Variants in HUNK observed in about 807,000 individuals in gnomAD.
HUNK encodes hormonally up-regulated neu tumor-associated kinase.
Under a neutral mutation model 61.0 loss-of-function variants are expected in HUNK, and 21 were observed. The observed-to-expected ratio is 0.34, with a 90% confidence interval of 0.24 to 0.50. HUNK has a LOEUF of 0.50. HUNK is among the 20% of genes least tolerant of loss of function. The probability of loss-of-function intolerance (pLI) is 0.98; values close to 1 mark genes in which losing one functional copy is unlikely to be tolerated. For missense variants in HUNK, 772 were observed against 945.7 expected, an observed-to-expected ratio of 0.82 and a Z score of 2.41; for synonymous variants, 371 against 386.1, an observed-to-expected ratio of 0.96 and a Z score of 0.46.
rs747206282 is a variant in HUNK, at chr21:31,924,157, C to A, written c.262-311C>A. 1.7e-4 allele frequency among the ~76,000 whole-genome samples: 26 copies of A among 152,112 alleles called. No homozygotes were observed. Among genetic ancestry groups the A allele is most frequent in the Non-Finnish European group, 3.7e-4 (25 of 68,022 alleles). On this transcript the variant is annotated intron_variant, in intron 1 of 10. Transcript: ENST00000270112. The surrounding 1 kb of genome is among the most constrained non-coding windows in gnomAD (Gnocchi z 5.1). ...CCATCCTGTAGAAAAATAAATTTGACATTAATCCTGCACTGTGCCTTCCAG... is the reference window on the plus strand; with the variant it reads ...CCATCCTGTAGAAAAATAAATTTGAAATTAATCCTGCACTGTGCCTTCCAG...
chr21:31,885,619 G>A (rs2052340399), intron 1 of HUNK, among the ~76,000 whole-genome samples: 1 of 152,180 alleles, frequency 6.6e-6, no homozygotes, highest in African/African-American at 2.4e-5. Context: ...GCTTGTGCAG[G>A]ATGGATCTGT....
chr21:31,879,751 G>T (rs544521929), intron 1 of HUNK, among the ~76,000 whole-genome samples: 1 of 152,180 alleles, frequency 6.6e-6, no homozygotes. Flanking sequence ...ATGTGCCCCC[G>T]AAGAGAGGGA....
rs2053228606 is a variant in HUNK, at chr21:31,999,138, T to A, written c.2099T>A (p.Val700Glu). ...CCCCCACTGCAGCCCCTAGCCCCTG[T>A]GAACCTTGCCTTTGACATGGCCGAT... ...SLPPLQPLAP[V>E]NLAFDMADGV... Residue 700 changes from valine to glutamate, a missense_variant, in exon 11 of 11, where the codon GTG becomes GAG. By Grantham distance (121) the Val-to-Glu change is moderately radical (BLOSUM62 -2). Coordinates refer to ENST00000270112, the MANE Select transcript of HUNK (RefSeq NM_014586.2). 6.2e-7 allele frequency: 1 copy of A among 1,613,472 alleles called. No homozygotes were observed. The highest frequency in any genetic ancestry group is 1.7e-5 in the Admixed American group (1 of 59,890).
chr21:31,948,451 T>A (rs1330382556), intron 4 of HUNK, among the ~76,000 whole-genome samples: 1 of 152,174 alleles, frequency 6.6e-6, no homozygotes, highest in East Asian at 1.9e-4. Context: ...CCATGTACCC[T>A]CCAGTGCCTG....
At chr21:31,997,667 T>C (rs2053215296) in intron 10 of HUNK, among the ~76,000 whole-genome samples, 2 of 152,230 alleles carry the variant, frequency 1.3e-5, no homozygotes, top group Non-Finnish European at 2.9e-5. Flanking sequence ...AATATACTTA[T>C]TATTGCTGAA....
intron 1 of HUNK, among the ~76,000 whole-genome samples, chr21:31,892,148 TA>T (rs748197431): frequency 0.045 from 4,165 of 92,428 alleles, 103 homozygotes; most frequent in South Asian, 0.064. Flanking sequence ...AGAATTTGGT[TA>T]AAAAAAAAAA....
intron 1 of HUNK, among the ~76,000 whole-genome samples, chr21:31,876,824 T>G (rs996921056): frequency 3.9e-5 from 6 of 152,190 alleles, no homozygotes; most frequent in Non-Finnish European, 8.8e-5. Flanking sequence ...TTTTTAAATT[T>G]TTTATAAAGA....
At chr21:31,971,309 T>C (rs889767607) in intron 6 of HUNK, among the ~76,000 whole-genome samples, 1 of 152,022 alleles carries the variant, frequency 6.6e-6, no homozygotes, top group South Asian at 2.1e-4. Context: ...TGGCCTCAAG[T>C]GATCCGCCTG....
At chr21:31,914,972 G>T (rs536913185) in intron 1 of HUNK, among the ~76,000 whole-genome samples, 1 of 151,892 alleles carries the variant, frequency 6.6e-6, no homozygotes, top group South Asian at 2.1e-4. Flanking sequence ...CCCGACAAAT[G>T]GTCCTAAAGA....
chr21:31,873,705 G>C lies in HUNK; in HGVS notation c.31G>C (p.Gly11Arg), dbSNP rs1043646235. The C allele has an allele frequency of 1.0e-5, 12 of 1,153,152 alleles. No homozygotes were observed. The highest frequency in any genetic ancestry group is 3.6e-4 in the Middle Eastern group (1 of 2,782). The allele number at this position is 1,153,152 out of a possible 1,614,324, so 71.4% of individuals were successfully genotyped here. The change falls in exon 1 of 11, where the codon GGG becomes CGG. Residue 11 changes from glycine to arginine, a missense_variant. Physicochemically the swap from Gly to Arg is moderately radical, Grantham distance 125. Transcript: ENST00000270112. The surrounding 1 kb of genome is among the most constrained non-coding windows in gnomAD (Gnocchi z 6.1). ...GGCGGCGGCGGGGGACGGGCTCCTGGGGGAGCCGGCGGCGCCTGGGGGCGG... is the reference window on the plus strand; with the variant it reads ...GGCGGCGGCGGGGGACGGGCTCCTGCGGGAGCCGGCGGCGCCTGGGGGCGG... MPAAAGDGLLGEPAAPGGGGG... is the reference protein window; with the variant it reads MPAAAGDGLLREPAAPGGGGG...
At chr21:31,987,852 C>T (rs188751328) in intron 8 of HUNK, among the ~76,000 whole-genome samples, 35 of 152,300 alleles carry the variant, frequency 2.3e-4, no homozygotes, top group African/African-American at 7.7e-4. Flanking sequence ...AGTCGTCCTC[C>T]GCACCACATG....
chr21:31,986,679 G>C (rs1297693418), intron 8 of HUNK, among the ~76,000 whole-genome samples: 1 of 152,130 alleles, frequency 6.6e-6, no homozygotes, highest in Non-Finnish European at 1.5e-5. Context: ...CCTGTGCTCA[G>C]TCCACAGCCT....
chr21:31,875,038 G>A (rs1434134618), intron 1 of HUNK, among the ~76,000 whole-genome samples: 1 of 152,180 alleles, frequency 6.6e-6, no homozygotes, highest in Non-Finnish European at 1.5e-5. Context: ...CCCAGGCTGG[G>A]GGTGGCTCAA....
At chr21:31,944,330 T>C (rs533186510) in intron 3 of HUNK, among the ~76,000 whole-genome samples, 1 of 152,372 alleles carries the variant, frequency 6.6e-6, no homozygotes, top group South Asian at 2.1e-4. Context: ...CTGCCTACCT[T>C]GGCCTCCCAA....
chr21:31,904,199 T>C (rs2052489317), intron 1 of HUNK, among the ~76,000 whole-genome samples: 1 of 152,014 alleles, frequency 6.6e-6, no homozygotes, highest in African/African-American at 2.4e-5. Flanking sequence ...TCCCAGGAGA[T>C]TTTGACATGT....
At chr21:31,889,091 G>A (rs1028078696) in intron 1 of HUNK, among the ~76,000 whole-genome samples, 3 of 152,104 alleles carry the variant, frequency 2.0e-5, no homozygotes, top group Non-Finnish European at 4.4e-5. Context: ...GCATTCTTAC[G>A]TCACACAGTG....
chr21:31,876,066 C>A (rs898981189), intron 1 of HUNK, among the ~76,000 whole-genome samples: 3 of 152,328 alleles, frequency 2.0e-5, no homozygotes, highest in African/African-American at 7.2e-5. Context: ...AAGAGACTCG[C>A]TGCTTCCCCA....
chr21:31,923,549 G>A (rs191783824), intron 1 of HUNK, among the ~76,000 whole-genome samples: 1 of 130,528 alleles, frequency 7.7e-6, no homozygotes, highest in South Asian at 2.9e-4. Context: ...AAGGAAGGAA[G>A]GAAAGAAGGA....
At chr21:31,972,820 T>G (rs2123851908) in intron 6 of HUNK, among the ~76,000 whole-genome samples, 1 of 152,250 alleles carries the variant, frequency 6.6e-6, no homozygotes, top group Non-Finnish European at 1.5e-5. Context: ...TGTTTGTCTT[T>G]TGGGACAGCA....
Sources: allele counts gnomAD v4.1 joint callset (sites outside exome capture counted in the v4.1 genomes callset), GRCh38; gene constraint gnomAD v4.1.1; non-coding constraint Gnocchi (gnomAD v3.1); transcripts MANE v1.5; gene names NCBI Gene and HGNC (gene_info 2026-07-23, HGNC 2026-07-21).